The following GOLM1 variants were observed in gnomAD, a reference collection of about 807,000 sequenced individuals.
The protein encoded by GOLM1 is golgi membrane protein 1, also known as epididymis luminal protein 46.
Under a neutral mutation model 50.5 loss-of-function variants are expected in GOLM1, and 31 were observed. The ratio of observed to expected loss-of-function variants is 0.61; its 90% CI spans 0.46 to 0.83. The LOEUF is 0.83. Ranked by LOEUF, GOLM1 falls within the 40% of genes least tolerant of loss-of-function variation. The pLI, the probability that GOLM1 is intolerant of heterozygous loss-of-function variation, is 0.00. For missense variants in GOLM1, 491 were observed against 501.3 expected, an observed-to-expected ratio of 0.98 and a Z score of 0.20; for synonymous variants, 178 against 192.8, an observed-to-expected ratio of 0.92 and a Z score of 0.64.
At chr9:86,053,677 C>CACCATTCCACACCAAACCACACCCCACA (rs1564347591) in intron 3 of GOLM1, among the ~76,000 whole-genome samples, 15 of 148,008 alleles carry the variant, frequency 1.0e-4, no homozygotes, top group African/African-American at 2.2e-4. Flanking sequence ...ACACGGCACA[C>CACCATTCCACACCAAACCACACCCCACA]CACTCCACAC....
At chr9:86,099,641 G>A (rs917774017), upstream of GOLM1, 3 of 149,720 alleles carry the variant, frequency 2.0e-5, no homozygotes, top group African/African-American at 7.3e-5. Flanking sequence ...GCGGAGAAGC[G>A]AGGCAGGGGC....
chr9:86,061,044 T>C (rs1401615604), intron 3 of GOLM1, among the ~76,000 whole-genome samples: 1 of 152,016 alleles, frequency 6.6e-6, no homozygotes, highest in Non-Finnish European at 1.5e-5. Flanking sequence ...TCCCACCTTT[T>C]CAGGACGTGT....
rs1834086707 is a variant in GOLM1 at position 86,059,379 on chromosome 9, C to G, written c.310-6788G>C. 2.0e-5 allele frequency among the ~76,000 whole-genome samples: 3 copies of G among 152,198 alleles called. No individual in the cohort carries two copies. In the South Asian group the frequency reaches 6.2e-4, roughly 32 times the overall value. On this transcript the variant is annotated intron_variant, in intron 3 of 9. Coordinates refer to ENST00000388712, the MANE Select transcript of GOLM1 (RefSeq NM_016548.4). Reference sequence around the variant, plus strand: ...GTTCAGCCATAGGAGAGAAGTATTACCGACACATGCTACAACACGGATGAG... The same window carrying G: ...GTTCAGCCATAGGAGAGAAGTATTAGCGACACATGCTACAACACGGATGAG...
chr9:86,076,909 G>A (rs948900256), intron 3 of GOLM1, among the ~76,000 whole-genome samples: 3 of 151,876 alleles, frequency 2.0e-5, no homozygotes, highest in African/African-American at 4.8e-5. Context: ...TAGCAGGAAG[G>A]CCCCTTTAAA....
rs1276980708 is a variant in GOLM1 at position 86,035,866 on chromosome 9, C to CAAA, written c.758-244_758-242dup. ...CGCGACAAAGGGAAAAGTAGCTTACCAAAAAAAAAAACAAAACAAAAAAAA... is the reference window on the plus strand; with the variant it reads ...CGCGACAAAGGGAAAAGTAGCTTACCAAAAAAAAAAAAAACAAAACAAAAAAAA... On this transcript the variant is annotated intron_variant, in intron 7 of 9. Coordinates refer to ENST00000388712, the MANE Select transcript of GOLM1 (RefSeq NM_016548.4). 9.0e-3 allele frequency among the ~76,000 whole-genome samples: 418 copies of CAAA among 46,630 alleles called. 40 individuals are homozygous for CAAA. The highest frequency in any genetic ancestry group is 0.037 in the African/African-American group (394 of 10,740). 30.6% of individuals were successfully genotyped at this position (46,630 alleles called of 152,430 possible).
At chr9:86,090,204 C>T (rs1410029911) in intron 1 of GOLM1, among the ~76,000 whole-genome samples, 6 of 152,276 alleles carry the variant, frequency 3.9e-5, no homozygotes, top group African/African-American at 9.6e-5. Context: ...AGGTGTCTTC[C>T]AGTCAGGAGG....
intron 4 of GOLM1, among the ~76,000 whole-genome samples, chr9:86,050,410 T>A (rs975579219): frequency 3.9e-5 from 6 of 152,242 alleles, no homozygotes; most frequent in African/African-American, 1.4e-4. Flanking sequence ...TCCCTCTTTT[T>A]CTATTGATTA....
chr9:86,078,571 G>A (rs1017151504), intron 2 of GOLM1, among the ~76,000 whole-genome samples: 1 of 152,078 alleles, frequency 6.6e-6, no homozygotes, highest in Non-Finnish European at 1.5e-5. Flanking sequence ...GACTGGGCTG[G>A]GCAGGCCAAA....
intron 4 of GOLM1, 147 bp downstream of exon 4, chr9:86,052,390 G>T: frequency 1.4e-6 from 1 of 710,430 alleles, no homozygotes. Context: ...GATAGACTTA[G>T]GCAAAAAGAA....
intron 3 of GOLM1, among the ~76,000 whole-genome samples, chr9:86,068,990 C>T (rs1298749546): frequency 6.7e-6 from 1 of 149,758 alleles, no homozygotes; most frequent in African/African-American, 2.5e-5. Context: ...TTTTTTTTAA[C>T]AATATGCAAA....
chr9:86,027,588 T>C lies in GOLM1; in HGVS notation c.*229A>G. 1 of 1,309,698 alleles carries C rather than the reference T, an allele frequency of 7.6e-7. No homozygotes were observed. Among genetic ancestry groups the C allele is most frequent in the Non-Finnish European group, 9.7e-7 (1 of 1,032,254 alleles). The allele number at this position is 1,309,698 out of a possible 1,614,324, so 81.1% of individuals were successfully genotyped here. Reference sequence around the variant, plus strand: ...GTTGAACTTCTCACGAAATACCTACTACCAAAAATTGTGACACCTTATTAG... The same window carrying C: ...GTTGAACTTCTCACGAAATACCTACCACCAAAAATTGTGACACCTTATTAG... On this transcript the variant is annotated 3_prime_UTR_variant, in exon 10 of 10. Transcript: ENST00000388712.
chr9:86,071,819 T>C (rs1017582191), intron 3 of GOLM1, among the ~76,000 whole-genome samples: 7 of 152,358 alleles, frequency 4.6e-5, no homozygotes, highest in South Asian at 2.1e-4. Flanking sequence ...CAAACTGTAG[T>C]TGGCAAACAC....
Position 86,075,953 on chromosome 9 carries a change from A to G in GOLM1, c.309+1459T>C, listed in dbSNP as rs924671456. ...AATATAGGAAAGTACTCTGCAAATTAAACAACAAAAAAAGTACTTCTTGAA... is the reference window on the plus strand; with the variant it reads ...AATATAGGAAAGTACTCTGCAAATTGAACAACAAAAAAAGTACTTCTTGAA... On this transcript the variant is annotated intron_variant, in intron 3 of 9. Transcript: ENST00000388712. Among the ~76,000 whole-genome samples, 5 of 152,344 alleles carry G rather than the reference A, an allele frequency of 3.3e-5. No individual in the cohort carries two copies. In the East Asian group the frequency reaches 9.6e-4, roughly 29 times the overall value.
intron 5 of GOLM1, among the ~76,000 whole-genome samples, chr9:86,042,520 AT>A (rs762829032): frequency 3.9e-5 from 6 of 152,200 alleles, no homozygotes; most frequent in Non-Finnish European, 7.3e-5. Flanking sequence ...ACCAGGTGCT[AT>A]GGAAATAATG....
In GOLM1 at chr9:86,046,560, G is replaced by A. The variant is rs779364702; in HGVS notation, c.377C>T (p.Thr126Ile). 9 of 1,607,474 alleles carry A rather than the reference G, an allele frequency of 5.6e-6. No individual in the cohort carries two copies. Among genetic ancestry groups the A allele is most frequent in the Middle Eastern group, 3.3e-4 (2 of 6,054 alleles). ...CAGCCTGCCGTAATTCCTCTGCAGG[G>A]TCTTTAACTGGTCTACACCAAGGGG... ...LIRVLQDQLK[T>I]LQRNYGRLQQ... Residue 126 changes from threonine to isoleucine, a missense_variant, in exon 5 of 10, where the codon ACC becomes ATC. Thr to Ile is a moderately conservative substitution (Grantham distance 89, BLOSUM62 -1). Transcript: ENST00000388712.
intron 3 of GOLM1, among the ~76,000 whole-genome samples, chr9:86,055,658 A>G (rs575045380): frequency 6.6e-6 from 1 of 152,362 alleles, no homozygotes; most frequent in East Asian, 1.9e-4. Context: ...GAATGCAGAC[A>G]ACATTACACT....
intron 1 of GOLM1, among the ~76,000 whole-genome samples, chr9:86,098,197 GTGTC>G (rs931786470): frequency 1.3e-5 from 2 of 152,152 alleles, no homozygotes; most frequent in Admixed American, 6.5e-5. Flanking sequence ...TAAGAATTGA[GTGTC>G]TGGCCTAAAA....
At chr9:86,042,425 G>C (rs1564343239) in intron 5 of GOLM1, among the ~76,000 whole-genome samples, 1 of 151,884 alleles carries the variant, frequency 6.6e-6, no homozygotes, top group African/African-American at 2.4e-5. Context: ...ATGTGAGTGA[G>C]TACTACATCA....
At chr9:86,030,218 C>CAA (rs35215928) in intron 9 of GOLM1, among the ~76,000 whole-genome samples, 162 of 73,346 alleles carry the variant, frequency 2.2e-3, no homozygotes, top group East Asian at 3.2e-3. Context: ...GACTCTGTCT[C>CAA]AAAAAAAAAA....
Sources: allele counts gnomAD v4.1 joint callset (sites outside exome capture counted in the v4.1 genomes callset), GRCh38; gene constraint gnomAD v4.1.1; transcripts MANE v1.5; gene names NCBI Gene and HGNC (gene_info 2026-07-23, HGNC 2026-07-21).